Variants in PPP1R16B observed in about 807,000 individuals in gnomAD.
The protein encoded by PPP1R16B is protein phosphatase 1 regulatory inhibitor subunit 16B.
PPP1R16B carries 14 observed loss-of-function variants against 61.7 expected under a neutral mutation model. The observed-to-expected ratio is 0.23, with a 90% confidence interval of 0.15 to 0.35. The LOEUF is 0.35. PPP1R16B is among the 10% of genes least tolerant of loss of function. The pLI is 1.00. For synonymous variants in PPP1R16B, 266 were observed against 305.3 expected, an observed-to-expected ratio of 0.87 and a Z score of 1.34; for missense variants, 547 against 752.5, an observed-to-expected ratio of 0.73 and a Z score of 3.19.
intron 1 of PPP1R16B, among the ~76,000 whole-genome samples, chr20:38,834,710 T>C (rs1191231842): frequency 6.6e-6 from 1 of 152,126 alleles, no homozygotes; most frequent in Non-Finnish European, 1.5e-5. Flanking sequence ...TAAATGAATA[T>C]TGAGGAATTT....
chr20:38,894,789 C>T (rs2085321958), intron 3 of PPP1R16B, among the ~76,000 whole-genome samples: 1 of 152,200 alleles, frequency 6.6e-6, no homozygotes, highest in Non-Finnish European at 1.5e-5. Flanking sequence ...GGGATCTTTT[C>T]CTCCCTGTCC....
intron 2 of PPP1R16B, among the ~76,000 whole-genome samples, chr20:38,844,331 A>T (rs1327494260): frequency 1.3e-5 from 2 of 152,238 alleles, no homozygotes; most frequent in Non-Finnish European, 2.9e-5. Context: ...TAAAAGTTCA[A>T]ATTCTATCAT....
intron 1 of PPP1R16B, among the ~76,000 whole-genome samples, chr20:38,817,192 G>A (rs2084741183): frequency 6.6e-6 from 1 of 152,212 alleles, no homozygotes; most frequent in African/African-American, 2.4e-5. Flanking sequence ...AAGAGATGTG[G>A]TCAAATGCCT....
At chr20:38,887,405 G>A (rs545092530) in intron 2 of PPP1R16B, among the ~76,000 whole-genome samples, 33 of 152,116 alleles carry the variant, frequency 2.2e-4, no homozygotes, top group Non-Finnish European at 3.2e-4. Context: ...CTGCAGACAG[G>A]GCTCACATCA....
Position 38,892,149 on chromosome 20 carries a change from C to G in PPP1R16B, c.321+2484C>G, listed in dbSNP as rs1016938285. On this transcript the variant is annotated intron_variant, in intron 3 of 10. Transcript: ENST00000299824. ...AGTCTTAACTGCTCTGTGGGCACCA[C>G]AGCTGCAATTCTCTGAGCCCCAGGT... Among the ~76,000 whole-genome samples, 15 of 152,308 alleles carry G rather than the reference C, an allele frequency of 9.8e-5. No homozygotes were observed. The East Asian group carries it at 2.7e-3, about 27-fold the overall frequency.
chr20:38,892,769 C>G (rs1479838048), intron 3 of PPP1R16B, among the ~76,000 whole-genome samples: 1 of 152,184 alleles, frequency 6.6e-6, no homozygotes, highest in East Asian at 1.9e-4. Context: ...GAAGGGATAT[C>G]TGAGCTGGGT....
chr20:38,847,396 C>CA (rs1165600052), intron 2 of PPP1R16B, among the ~76,000 whole-genome samples: 2 of 152,078 alleles, frequency 1.3e-5, no homozygotes, highest in Admixed American at 1.3e-4. Flanking sequence ...CTCACTCTGT[C>CA]CCCAGGCTGG....
In PPP1R16B at chr20:38,907,417, G is replaced by A. The variant is rs181513214; in HGVS notation, c.898+363G>A. Among the ~76,000 whole-genome samples, 1 of 152,108 alleles carries A rather than the reference G, an allele frequency of 6.6e-6. No homozygotes were observed. Among genetic ancestry groups the A allele is most frequent in the Non-Finnish European group, 1.5e-5 (1 of 68,014 alleles). On this transcript the variant is annotated intron_variant, in intron 8 of 10. Transcript: ENST00000299824. The surrounding 1 kb of genome is among the most constrained non-coding windows in gnomAD (Gnocchi z 4.5). ...GAATACATGGCTCAGTCAGCAATAG[G>A]TAGATAGATGGATGAAGGGGTTAGG...
rs371302514 is a variant in PPP1R16B, at chr20:38,874,019, G to A, written c.251-15576G>A. ...TCTGGGATTACAGGCATGAGCCACC[G>A]TGCCTGGCCAGCTGAAACATCTTTT... is the stretch of plus-strand genomic sequence containing the variant. On this transcript the variant is annotated intron_variant, in intron 2 of 10. Transcript: ENST00000299824. 6.4e-4 allele frequency among the ~76,000 whole-genome samples: 97 copies of A among 152,216 alleles called. 1 individual carries two copies. The South Asian group carries it at 0.015, about 24-fold the overall frequency.
chr20:38,869,315 T>C (rs1367697037), intron 2 of PPP1R16B, among the ~76,000 whole-genome samples: 1 of 152,024 alleles, frequency 6.6e-6, no homozygotes, highest in Admixed American at 6.6e-5. Flanking sequence ...TGCACCACCA[T>C]GCCCAGCTAA....
intron 10 of PPP1R16B, among the ~76,000 whole-genome samples, chr20:38,911,806 G>T (rs1194617166): frequency 1.3e-5 from 2 of 152,130 alleles, no homozygotes; most frequent in Non-Finnish European, 2.9e-5. Context: ...CAAAGTGTTG[G>T]TATTACAGGG....
intron 2 of PPP1R16B, among the ~76,000 whole-genome samples, chr20:38,872,616 A>G (rs1286424649): frequency 2.0e-5 from 3 of 152,146 alleles, no homozygotes; most frequent in Non-Finnish European, 4.4e-5. Context: ...ATTGCCAGCA[A>G]ATTCCCAGGT....
intron 2 of PPP1R16B, chr20:38,837,999 T>G (rs1430410249): frequency 6.6e-6 from 1 of 152,230 alleles, no homozygotes; most frequent in Non-Finnish European, 1.5e-5. Context: ...ATGGGGGAAT[T>G]GAAACTCAGA....
At chr20:38,850,930 T>C (rs2084964513) in intron 2 of PPP1R16B, among the ~76,000 whole-genome samples, 2 of 147,534 alleles carry the variant, frequency 1.4e-5, no homozygotes, top group African/African-American at 2.5e-5. Flanking sequence ...ATCATGCCAC[T>C]GCACTCCAGC....
At chr20:38,861,693 T>C (rs2085052409) in intron 2 of PPP1R16B, among the ~76,000 whole-genome samples, 2 of 149,020 alleles carry the variant, frequency 1.3e-5, no homozygotes, top group South Asian at 2.1e-4. Context: ...TTTTTTTTTT[T>C]TGAGACGAAG....
chr20:38,887,708 G>C (rs114801681), intron 2 of PPP1R16B, among the ~76,000 whole-genome samples: 1 of 152,366 alleles, frequency 6.6e-6, no homozygotes, highest in African/African-American at 2.4e-5. Context: ...GCACCATGTT[G>C]GTCAGGACAG....
intron 1 of PPP1R16B, among the ~76,000 whole-genome samples, chr20:38,833,838 G>A (rs1284743842): frequency 2.0e-5 from 3 of 152,180 alleles, no homozygotes; most frequent in Non-Finnish European, 4.4e-5. Flanking sequence ...GAACGATCTG[G>A]ATCTGACCCA....
intron 2 of PPP1R16B, among the ~76,000 whole-genome samples, chr20:38,848,392 G>A (rs1392232134): frequency 6.6e-6 from 1 of 152,072 alleles, no homozygotes; most frequent in Non-Finnish European, 1.5e-5. Context: ...GGCCACCCTT[G>A]TACTCTAGAG....
At chr20:38,838,639 A>G (rs2084888476) in intron 2 of PPP1R16B, 1 of 152,216 alleles carries the variant, frequency 6.6e-6, no homozygotes, top group African/African-American at 2.4e-5. Flanking sequence ...GCTTGTCATG[A>G]TGTCTAATTT....
Sources: allele counts gnomAD v4.1 joint callset (sites outside exome capture counted in the v4.1 genomes callset), GRCh38; gene constraint gnomAD v4.1.1; non-coding constraint Gnocchi (gnomAD v3.1); transcripts MANE v1.5; gene names NCBI Gene and HGNC (gene_info 2026-07-23, HGNC 2026-07-21).